SHISA9: variants seen among roughly 807,000 people sequenced by gnomAD.
SHISA9 encodes the protein protein shisa-9.
SHISA9 carries 13 observed loss-of-function variants against 38.0 expected under a neutral mutation model. That is an observed-to-expected ratio of 0.34 (90% CI 0.22 to 0.54). SHISA9 has a LOEUF of 0.54. Among genes scored for constraint, SHISA9 ranks in the 20% least tolerant of loss-of-function variants. The pLI is 0.91. For synonymous variants in SHISA9, 275 were observed against 242.0 expected, an observed-to-expected ratio of 1.14 and a Z score of -1.27; for missense variants, 538 against 575.8, an observed-to-expected ratio of 0.93 and a Z score of 0.67.
At chr16:13,362,259 C>CA in the SHISA9 span, among the ~76,000 whole-genome samples, 886 of 138,630 alleles carry the variant, frequency 6.4e-3, 14 homozygotes, top group African/African-American at 0.022. Flanking sequence ...ACAGCAACAA[C>CA]AAAAAAAACC....
At chr16:13,391,200 G>C in the SHISA9 span, among the ~76,000 whole-genome samples, 4 of 152,164 alleles carry the variant, frequency 2.6e-5, no homozygotes, top group African/African-American at 9.6e-5. Flanking sequence ...ATGAACCCTT[G>C]GAAAAAAGAT....
At chr16:13,213,802 C>T (rs1240087340) in intron 4 of SHISA9, among the ~76,000 whole-genome samples, 2 of 152,238 alleles carry the variant, frequency 1.3e-5, no homozygotes, top group Admixed American at 6.5e-5. Flanking sequence ...GGAAGTTGGT[C>T]GACTTGAGTC....
At chr16:13,511,296 A>G in the SHISA9 span, among the ~76,000 whole-genome samples, 1 of 152,214 alleles carries the variant, frequency 6.6e-6, no homozygotes. Context: ...CATTATTTCA[A>G]ACAAAGAAGC....
At chr16:12,921,742 G>C (rs2071331488) in intron 2 of SHISA9, among the ~76,000 whole-genome samples, 1 of 152,108 alleles carries the variant, frequency 6.6e-6, no homozygotes, top group African/African-American at 2.4e-5. Context: ...CTCTAGCCTA[G>C]GTGACAGAAT....
At chr16:13,477,150 G>A in the SHISA9 span, among the ~76,000 whole-genome samples, 5 of 152,204 alleles carry the variant, frequency 3.3e-5, no homozygotes, top group South Asian at 2.1e-4. Context: ...TGGACTTGTC[G>A]CTGGAGAAAT....
At chr16:13,246,192 C>A in the SHISA9 span, 1 of 152,134 alleles carries the variant, frequency 6.6e-6, no homozygotes, top group African/African-American at 2.4e-5. Flanking sequence ...GTGGGAGGGA[C>A]CTGGGGGGAG....
the SHISA9 span, among the ~76,000 whole-genome samples, chr16:13,398,824 C>T: frequency 2.6e-5 from 4 of 152,120 alleles, no homozygotes; most frequent in African/African-American, 9.7e-5. Context: ...ATTCACCAAT[C>T]TTAACTCAAC....
chr16:13,089,284 A>C (rs975067428), intron 2 of SHISA9, among the ~76,000 whole-genome samples: 1 of 152,172 alleles, frequency 6.6e-6, no homozygotes, highest in African/African-American at 2.4e-5. Flanking sequence ...TGTCTCTGCC[A>C]GGCTTTGGTA....
chr16:13,262,658 A>AGGGAGGGAGGGAGGGAGGGAGGGAGGG, the SHISA9 span, among the ~76,000 whole-genome samples: 3 of 51,840 alleles, frequency 5.8e-5, no homozygotes, highest in African/African-American at 2.9e-4. Context: ...GGAAGGAAGG[A>AGGGAGGGAGGGAGGGAGGGAGGGAGGG]AGGAAGGAAG....
chr16:13,312,781 AT>A, the SHISA9 span, among the ~76,000 whole-genome samples: 3 of 152,052 alleles, frequency 2.0e-5, no homozygotes, highest in East Asian at 1.9e-4. Flanking sequence ...AATAATGTAA[AT>A]TTTTTTTACT....
chr16:13,282,083 T>G, the SHISA9 span, among the ~76,000 whole-genome samples: 1 of 151,960 alleles, frequency 6.6e-6, no homozygotes, highest in African/African-American at 2.4e-5. Context: ...ATTTACCATT[T>G]ACAGTGCTCA....
chr16:13,385,324 C>G, the SHISA9 span, among the ~76,000 whole-genome samples: 3 of 152,216 alleles, frequency 2.0e-5, no homozygotes, highest in African/African-American at 7.2e-5. Context: ...AATGGACATT[C>G]ACACAAAAAT....
intron 2 of SHISA9, among the ~76,000 whole-genome samples, chr16:13,125,275 A>C (rs1481787384): frequency 6.6e-6 from 1 of 152,222 alleles, no homozygotes; most frequent in Non-Finnish European, 1.5e-5. Flanking sequence ...TATAGGAATA[A>C]AACTAATAAT....
At chr16:13,460,647 A>T in the SHISA9 span, among the ~76,000 whole-genome samples, 2 of 152,212 alleles carry the variant, frequency 1.3e-5, no homozygotes, top group South Asian at 4.1e-4. Context: ...AGGATATGAT[A>T]GAGCTTATCA....
chr16:13,450,603 G>A, the SHISA9 span, among the ~76,000 whole-genome samples: 1,870 of 152,234 alleles, frequency 0.012, 41 homozygotes, highest in African/African-American at 0.041. Context: ...AATTATAAAC[G>A]ATACACACTG....
chr16:12,918,271 A>G (rs1249262203), intron 2 of SHISA9, among the ~76,000 whole-genome samples: 2 of 152,114 alleles, frequency 1.3e-5, no homozygotes, highest in Non-Finnish European at 2.9e-5. Flanking sequence ...AAATGAGCAC[A>G]TTTTCTTTCA....
chr16:13,394,651 G>T, the SHISA9 span, among the ~76,000 whole-genome samples: 1 of 152,132 alleles, frequency 6.6e-6, no homozygotes, highest in Non-Finnish European at 1.5e-5. Flanking sequence ...AGGCACAGTA[G>T]GAAACACTAA....
At chr16:13,217,376 G>A (rs532406750) in intron 4 of SHISA9, among the ~76,000 whole-genome samples, 1 of 152,328 alleles carries the variant, frequency 6.6e-6, no homozygotes, top group South Asian at 2.1e-4. Context: ...ATGAAGCCGT[G>A]TCTTTGGAAA....
intron 2 of SHISA9, among the ~76,000 whole-genome samples, chr16:13,070,808 G>A (rs1368015288): frequency 6.6e-6 from 1 of 152,196 alleles, no homozygotes; most frequent in East Asian, 1.9e-4. Flanking sequence ...AGGTCATACA[G>A]TGGCTAAGTG....
Sources: gnomAD v4.1 joint callset for allele counts (sites outside exome capture counted in the v4.1 genomes callset) on GRCh38, gnomAD v4.1.1 for gene constraint, MANE v1.5 for transcripts, NCBI Gene and HGNC (gene_info 2026-07-23, HGNC 2026-07-21) for gene names.